KNL1: variants seen among roughly 807,000 people sequenced by gnomAD.
KNL1 encodes kinetochore scaffold 1, also known as outer kinetochore KNL1 complex subunit KNL1.
In KNL1, 66 loss-of-function variants were observed where a neutral mutation model predicts 201.3. That is an observed-to-expected ratio of 0.33 (90% CI 0.27 to 0.40). KNL1 has a LOEUF of 0.40. Ranked by LOEUF, KNL1 falls within the 10% of genes least tolerant of loss-of-function variation. The probability of loss-of-function intolerance (pLI) is 1.00; values close to 1 mark genes in which losing one functional copy is unlikely to be tolerated. For missense variants in KNL1, 2,815 were observed against 2,690.5 expected (o/e 1.05, Z -1.02); for synonymous variants, 895 against 899.2 (o/e 1.00, Z 0.08).
chr15:40,600,143 T>G (rs1247747592), intron 1 of KNL1, among the ~76,000 whole-genome samples: 4 of 151,316 alleles, frequency 2.6e-5, no homozygotes, highest in Admixed American at 2.6e-4. Flanking sequence ...TGGCCCCGTG[T>G]TGGCTCACTG....
chr15:40,623,048 T>C lies in KNL1; in HGVS notation c.2784T>C (p.Thr928=), dbSNP rs587780293. 5.6e-6 allele frequency: 9 copies of C among 1,613,970 alleles called. No homozygotes were observed. The highest frequency in any genetic ancestry group is 7.6e-6 in the Non-Finnish European group (9 of 1,179,902). The change falls in exon 10 of 26, where the codon ACT becomes ACC. Residue 928 remains threonine (T), a synonymous_variant. Coordinates refer to ENST00000399668, the MANE Select transcript of KNL1 (RefSeq NM_144508.5). ...ACACAACTGCCTTAGAATGTAAAACTGTCTCACCAGATGAAATAACTACTA... is the reference window on the plus strand; with the variant it reads ...ACACAACTGCCTTAGAATGTAAAACCGTCTCACCAGATGAAATAACTACTA... ...RSHTTALECK[T]VSPDEITTRP...
chr15:40,622,351 T>C lies in KNL1; in HGVS notation c.2087T>C (p.Phe696Ser). Reference sequence around the variant, plus strand: ...ACAGTATCATGGGAACAATCTTTGTTTTCTACCACAAAGCCATTATTTTCA... The same window carrying C: ...ACAGTATCATGGGAACAATCTTTGTCTTCTACCACAAAGCCATTATTTTCA... ...RNTVSWEQSL[F>S]STTKPLFSSG... Residue 696 changes from phenylalanine (F) to serine (S), a missense_variant, in exon 10 of 26, where the codon TTT becomes TCT. By Grantham distance (155) the Phe-to-Ser change is radical. Transcript: ENST00000399668. 6.2e-7 allele frequency: 1 copy of C among 1,613,942 alleles called. No individual in the cohort carries two copies.
At chr15:40,611,839 G>C (rs925265597) in intron 7 of KNL1, among the ~76,000 whole-genome samples, 2 of 152,074 alleles carry the variant, frequency 1.3e-5, no homozygotes, top group Admixed American at 6.6e-5. Context: ...CAAATGAAAA[G>C]ATGGTTATCT....
chr15:40,616,370 AC>A (rs1892346435), intron 8 of KNL1, among the ~76,000 whole-genome samples: 1 of 151,092 alleles, frequency 6.6e-6, no homozygotes, highest in Non-Finnish European at 1.5e-5. Context: ...CAGGTGATCC[AC>A]CCGCCTCGGC....
chr15:40,607,926 TC>T (rs1892025939), intron 4 of KNL1, among the ~76,000 whole-genome samples: 1 of 151,986 alleles, frequency 6.6e-6, no homozygotes, highest in African/African-American at 2.4e-5. Flanking sequence ...TGCCATATGA[TC>T]CAACAATTCC....
At chr15:40,653,086 C>G (rs1010442760) in intron 21 of KNL1, among the ~76,000 whole-genome samples, 1 of 152,190 alleles carries the variant, frequency 6.6e-6, no homozygotes, top group African/African-American at 2.4e-5. Context: ...ACCTTCTGTC[C>G]AGGTCCAAAA....
chr15:40,649,345 G>A (rs1893486898), intron 17 of KNL1, among the ~76,000 whole-genome samples: 1 of 151,906 alleles, frequency 6.6e-6, no homozygotes, highest in Non-Finnish European at 1.5e-5. Context: ...ACCCAGGCTG[G>A]AGTGCAGTGG....
rs182838400 is a variant in KNL1 at position 40,645,728 on chromosome 15, C to G, written c.5962C>G (p.Gln1988Glu). 6.2e-7 allele frequency: 1 copy of G among 1,610,054 alleles called. No homozygotes were observed. Among genetic ancestry groups the G allele is most frequent in the Non-Finnish European group, 8.5e-7 (1 of 1,178,698 alleles). Residue 1988 changes from glutamine (Q) to glutamate (E), a missense_variant, in exon 16 of 26, where the codon CAA becomes GAA. Physicochemically the swap from Gln to Glu is conservative, Grantham distance 29. Coordinates refer to ENST00000399668, the MANE Select transcript of KNL1 (RefSeq NM_144508.5). ...CAAGATGACTAAAGTCTTCACTCAC[C>G]AAGGAAAAGTGGCTCTGTATGGCAA... is the stretch of plus-strand genomic sequence containing the variant. ...FTKMTKVFTH[Q>E]GKVALYGKLV...
intron 19 of KNL1, among the ~76,000 whole-genome samples, chr15:40,651,169 A>G (rs1208237194): frequency 6.6e-6 from 1 of 152,028 alleles, no homozygotes; most frequent in Non-Finnish European, 1.5e-5. Flanking sequence ...TTTATCAAAA[A>G]TAAAAATGTA....
intron 1 of KNL1, among the ~76,000 whole-genome samples, chr15:40,597,131 C>T (rs1241794348): frequency 6.6e-6 from 1 of 151,986 alleles, no homozygotes; most frequent in East Asian, 1.9e-4. Context: ...CACACAGTAC[C>T]TGACAGGTGT....
At chr15:40,645,263 C>A (rs1027557368) in intron 15 of KNL1, among the ~76,000 whole-genome samples, 176 bp downstream of exon 15, 2 of 152,154 alleles carry the variant, frequency 1.3e-5, no homozygotes, top group African/African-American at 4.8e-5. Context: ...ATAATCTTTT[C>A]AAACCTGAGA....
At position 40,611,469 on chromosome 15, in the gene KNL1, T is replaced by C. The variant is rs371294019; in HGVS notation, c.251-9T>C. 3.7e-4 allele frequency: 88 copies of C among 234,962 alleles called. No individual in the cohort carries two copies. The highest frequency in any genetic ancestry group is 2.1e-3 in the African/African-American group (88 of 42,550). 14.6% of individuals were successfully genotyped at this position (234,962 alleles called of 1,614,324 possible). ...CCTTGGACAAATTTAATTTTAATTT[T>C]ATTTTTAGAAACAGAAACAGGAGAA... On this transcript the variant is annotated splice_polypyrimidine_tract_variant and intron_variant, in intron 6 of 25. Coordinates refer to ENST00000399668, the MANE Select transcript of KNL1 (RefSeq NM_144508.5).
intron 22 of KNL1, among the ~76,000 whole-genome samples, chr15:40,655,777 G>A (rs577606109): frequency 9.2e-5 from 14 of 151,696 alleles, no homozygotes; most frequent in East Asian, 2.0e-4. Context: ...TTAGCCGGGC[G>A]TGGTGGCTGG....
intron 9 of KNL1, among the ~76,000 whole-genome samples, chr15:40,619,416 T>A (rs1355041763): frequency 4.6e-5 from 7 of 151,910 alleles, no homozygotes; most frequent in Non-Finnish European, 8.8e-5. Flanking sequence ...TTTTTGGTTG[T>A]TGTTAGACAC....
Position 40,628,650 on chromosome 15 carries a change from A to T in KNL1, c.5555A>T (p.Asp1852Val), listed in dbSNP as rs757696968. 1.2e-6 allele frequency: 2 copies of T among 1,602,544 alleles called. No individual in the cohort carries two copies. Among genetic ancestry groups the T allele is most frequent in the Non-Finnish European group, 8.5e-7 (1 of 1,173,254 alleles). The stretch of plus-strand genomic sequence containing the variant: ...CAAATGGAATCACAGTTTCTCAGAG[A>T]TACTATTTGTGAAGAGAGCTTGAGG... ...SSQMESQFLR[D>V]TICEESLREK... The change falls in exon 12 of 26, where the codon GAT (aspartate) becomes GTT (valine). Residue 1852 changes from aspartate to valine, a missense_variant. Physicochemically the swap from Asp to Val is radical, Grantham distance 152. Coordinates refer to ENST00000399668, the MANE Select transcript of KNL1 (RefSeq NM_144508.5).
chr15:40,649,953 G>C (rs1042761232), intron 17 of KNL1, among the ~76,000 whole-genome samples: 2 of 151,874 alleles, frequency 1.3e-5, no homozygotes, highest in African/African-American at 2.4e-5. Context: ...TAAGCTCTGT[G>C]GAGGCAGGAA....
rs1892633414 is a variant in KNL1 at position 40,623,752 on chromosome 15, A to G, written c.3488A>G (p.Asp1163Gly). 1 of 1,613,912 alleles carries G rather than the reference A, an allele frequency of 6.2e-7. No individual in the cohort carries two copies. The highest frequency in any genetic ancestry group is 1.3e-5 in the African/African-American group (1 of 74,932). The change falls in exon 10 of 26, where the codon GAT (aspartate) becomes GGT (glycine). Residue 1163 changes from aspartate to glycine, a missense_variant. Around this residue, in one of 3 missense-constraint regions of KNL1, gnomAD observed 2,464 missense variants for 2,291.7 expected, o/e 1.08. Coordinates refer to ENST00000399668, the MANE Select transcript of KNL1 (RefSeq NM_144508.5). The stretch of plus-strand genomic sequence containing the variant: ...GTATTGTTCACAGATAATTACAGTG[A>G]TCTGGAAGTCACCGATTCCCATACT... Reference protein sequence around the residue: ...KTVLFTDNYSDLEVTDSHTVF... With the variant: ...KTVLFTDNYSGLEVTDSHTVF...
intron 16 of KNL1, chr15:40,646,577 G>T (rs1485058662): frequency 6.6e-6 from 1 of 151,598 alleles, no homozygotes; most frequent in Non-Finnish European, 1.5e-5. Flanking sequence ...CTGTTTGTAG[G>T]CTGGGTGCGG....
intron 1 of KNL1, among the ~76,000 whole-genome samples, chr15:40,596,036 A>AT (rs1891610736): frequency 6.6e-6 from 1 of 152,064 alleles, no homozygotes; most frequent in African/African-American, 2.4e-5. Context: ...GGGTAAAAAA[A>AT]CACTCTTAGC....
Sources: gnomAD v4.1 joint callset for allele counts (sites outside exome capture counted in the v4.1 genomes callset) on GRCh38, gnomAD v4.1.1 for gene constraint, gnomAD v4.1.1 regional missense constraint, MANE v1.5 for transcripts, NCBI Gene and HGNC (gene_info 2026-07-23, HGNC 2026-07-21) for gene names.